Variants in UNC80 observed in about 807,000 individuals in gnomAD.
UNC80 encodes protein unc-80 homolog.
A neutral mutation model predicts 384.6 loss-of-function variants in UNC80; 164 were observed. The observed-to-expected ratio is 0.43, with a 90% CI of 0.38 to 0.49. The LOEUF (loss-of-function observed/expected upper bound fraction) is 0.49. Ranked by LOEUF, UNC80 falls within the 20% of genes least tolerant of loss-of-function variation. UNC80 has a pLI of 0.00. For missense variants in UNC80, 3,330 were observed against 4,143.0 expected (o/e 0.80, Z 5.39); for synonymous variants, 1,486 against 1,527.8 (o/e 0.97, Z 0.64).
At chr2:209,956,915 G>A (rs2092439705) in intron 48 of UNC80, among the ~76,000 whole-genome samples, 1 of 152,084 alleles carries the variant, frequency 6.6e-6, no homozygotes, top group Non-Finnish European at 1.5e-5. Context: ...TTACTTTCTA[G>A]CCATCCCCAG....
intron 31 of UNC80, 105 bp from the exon 32 acceptor site, chr2:209,917,672 T>C: frequency 7.3e-7 from 1 of 1,364,510 alleles, no homozygotes. Flanking sequence ...TCCATATAGC[T>C]CAGGAGTCAT....
chr2:209,956,161 A>G (rs2092408214), intron 48 of UNC80, among the ~76,000 whole-genome samples: 1 of 152,174 alleles, frequency 6.6e-6, no homozygotes, highest in Non-Finnish European at 1.5e-5. Flanking sequence ...AGAGTTATGG[A>G]TGGAGCTCTG....
intron 48 of UNC80, among the ~76,000 whole-genome samples, chr2:209,957,224 A>T (rs972119001): frequency 6.6e-6 from 1 of 152,200 alleles, no homozygotes; most frequent in Non-Finnish European, 1.5e-5. Context: ...AGAGTAGTTG[A>T]TAATGGTGTA....
intron 5 of UNC80, among the ~76,000 whole-genome samples, chr2:209,788,534 A>G (rs2077597508): frequency 6.7e-6 from 1 of 148,174 alleles, no homozygotes; most frequent in African/African-American, 2.4e-5. Context: ...ACTACATACT[A>G]GTATATATAA....
chr2:209,809,495 A>G (rs2079176817), intron 7 of UNC80: 2 of 1,255,386 alleles, frequency 1.6e-6, no homozygotes, highest in East Asian at 4.6e-5. Context: ...AAGAAGTACC[A>G]GTGCCAGGCG....
At chr2:209,943,998 T>C (rs531099085) in intron 45 of UNC80, among the ~76,000 whole-genome samples, 1 of 152,322 alleles carries the variant, frequency 6.6e-6, no homozygotes, top group East Asian at 1.9e-4. Flanking sequence ...AGCAGGTTGT[T>C]GCAGGTTGTG....
intron 6 of UNC80, 50 bp downstream of exon 6, chr2:209,789,655 A>G: frequency 7.5e-7 from 1 of 1,330,178 alleles, no homozygotes; most frequent in Admixed American, 1.7e-5. Flanking sequence ...GTCCTTGGAC[A>G]TAGTGTAGTG....
chr2:209,824,224 G>C (rs1216266130), intron 13 of UNC80, among the ~76,000 whole-genome samples: 1 of 152,124 alleles, frequency 6.6e-6, no homozygotes, highest in East Asian at 1.9e-4. Context: ...CTGTTGATAA[G>C]TTTGAGTCTT....
chr2:209,861,997 T>C (rs543670661), intron 22 of UNC80, among the ~76,000 whole-genome samples: 1 of 152,330 alleles, frequency 6.6e-6, no homozygotes, highest in Admixed American at 6.5e-5. Context: ...CCTGGATTCA[T>C]TGATTCTTTT....
In UNC80 at chr2:209,944,245, CG is replaced by C. The variant is rs199800757; in HGVS notation, c.7050+733del. Among the ~76,000 whole-genome samples, 653 of 152,224 alleles carry C rather than the reference CG, an allele frequency of 4.3e-3. 5 individuals are homozygous for C. The highest frequency in any genetic ancestry group is 0.015 in the African/African-American group (616 of 41,542). ...CATAAAAGAGATGGAAAGTAGAAAACGGTAAAAGGAAGGTTTCCCAATTTTC... is the reference window on the plus strand; with the variant it reads ...CATAAAAGAGATGGAAAGTAGAAAACGTAAAAGGAAGGTTTCCCAATTTTC... On this transcript the variant is annotated intron_variant, in intron 45 of 64. Transcript: ENST00000673920.
chr2:209,979,030 C>T (rs926386103), intron 59 of UNC80, among the ~76,000 whole-genome samples: 2 of 152,146 alleles, frequency 1.3e-5, no homozygotes, highest in African/African-American at 4.8e-5. Flanking sequence ...GGGTGGATCA[C>T]CTGAGGTCAG....
chr2:209,984,195 G>A (rs893747314), intron 60 of UNC80, among the ~76,000 whole-genome samples: 18 of 152,174 alleles, frequency 1.2e-4, no homozygotes, highest in African/African-American at 4.3e-4. Flanking sequence ...AACCTGACAG[G>A]TTTCTTCTTT....
Position 209,872,026 on chromosome 2 carries a change from G to A in UNC80, c.3628-732G>A, listed in dbSNP as rs1169625339. 6.6e-6 allele frequency among the ~76,000 whole-genome samples: 1 copy of A among 151,294 alleles called. No homozygotes were observed. Among genetic ancestry groups the A allele is most frequent in the East Asian group, 1.9e-4 (1 of 5,168 alleles). ...TGAGCTTCCTTTTCTTTTTTGAGGT[G>A]GAGTCTCACTCTGTCTCCCAGGCTG... On this transcript the variant is annotated intron_variant, in intron 22 of 64. Coordinates refer to ENST00000673920, the MANE Select transcript of UNC80 (RefSeq NM_001371986.1). The surrounding 1 kb of genome is among the most constrained non-coding windows in gnomAD (Gnocchi z 4.1).
chr2:209,786,060 C>T lies in UNC80; in HGVS notation c.601-6C>T, dbSNP rs752926643. 6.2e-7 allele frequency: 1 copy of T among 1,612,776 alleles called. No homozygotes were observed. The highest frequency in any genetic ancestry group is 1.3e-5 in the African/African-American group (1 of 75,010). ...TATTGGACATATATCTTCTCCTCCCCCCTAGGAATCTGACCTCACCTTCCG... is the reference window on the plus strand; with the variant it reads ...TATTGGACATATATCTTCTCCTCCCTCCTAGGAATCTGACCTCACCTTCCG... On this transcript the variant is annotated splice_polypyrimidine_tract_variant and splice_region_variant and intron_variant, in intron 4 of 64. Transcript: ENST00000673920.
intron 28 of UNC80, among the ~76,000 whole-genome samples, chr2:209,903,328 G>A (rs1269387568): frequency 7.6e-6 from 1 of 132,332 alleles, no homozygotes; most frequent in African/African-American, 2.8e-5. Flanking sequence ...ATATGTGTGT[G>A]TGTGTGTGTG....
chr2:209,930,884 C>G (rs1217973861), intron 37 of UNC80, 84 bp from the exon 38 acceptor site: 2 of 948,450 alleles, frequency 2.1e-6, no homozygotes, highest in African/African-American at 3.3e-5. Flanking sequence ...ATCCCTCACC[C>G]AATCCCGAAT....
At chr2:209,989,149 C>CA (rs1400555977) in intron 61 of UNC80, among the ~76,000 whole-genome samples, 1 of 59,424 alleles carries the variant, frequency 1.7e-5, no homozygotes, top group African/African-American at 5.2e-5. Context: ...CCTGTGTCTA[C>CA]AAAAAATACC....
chr2:209,975,310 C>T (rs7561735), intron 56 of UNC80, among the ~76,000 whole-genome samples: 24 of 152,300 alleles, frequency 1.6e-4, no homozygotes, highest in African/African-American at 5.8e-4. Flanking sequence ...GCTGTAGTGG[C>T]AGAGGGAGCT....
At chr2:209,887,434 T>A (rs555043709) in intron 25 of UNC80, among the ~76,000 whole-genome samples, 1 of 152,304 alleles carries the variant, frequency 6.6e-6, no homozygotes, top group East Asian at 1.9e-4. Context: ...TCTCCACTTT[T>A]AAGGATTTGT....
Sources: allele counts gnomAD v4.1 joint callset (sites outside exome capture counted in the v4.1 genomes callset), GRCh38; gene constraint gnomAD v4.1.1; non-coding constraint Gnocchi (gnomAD v3.1); transcripts MANE v1.5; gene names NCBI Gene and HGNC (gene_info 2026-07-23, HGNC 2026-07-21).